The following R3HDM1 variants were observed in gnomAD, a reference collection of about 807,000 sequenced individuals.
The protein encoded by R3HDM1 is R3H domain-containing protein 1.
In R3HDM1, 46 loss-of-function variants were observed where a neutral mutation model predicts 141.1. That is an observed-to-expected ratio of 0.33 (90% CI 0.26 to 0.42). R3HDM1 has a LOEUF of 0.42. Among genes scored for constraint, R3HDM1 ranks in the 10% least tolerant of loss-of-function variants. The pLI is 1.00. For synonymous variants in R3HDM1, 435 were observed against 472.9 expected (o/e 0.92, Z 1.04); for missense variants, 1,184 against 1,368.3 (o/e 0.87, Z 2.12).
intron 1 of R3HDM1, among the ~76,000 whole-genome samples, chr2:135,549,063 A>G (rs182768893): frequency 6.6e-6 from 1 of 152,336 alleles, no homozygotes; most frequent in East Asian, 1.9e-4. Flanking sequence ...AAAAGTTTTG[A>G]ACATTTGTAT....
At chr2:135,630,285 A>G (rs946997257) in intron 7 of R3HDM1, among the ~76,000 whole-genome samples, 1 of 140,862 alleles carries the variant, frequency 7.1e-6, no homozygotes, top group Non-Finnish European at 1.5e-5. Flanking sequence ...CTCAACCAAA[A>G]AAAAAAAAAA....
At chr2:135,667,602 T>C (rs933996942) in intron 19 of R3HDM1, 3 of 952,572 alleles carry the variant, frequency 3.1e-6, no homozygotes, top group Non-Finnish European at 3.7e-6. Context: ...TACTAAAATA[T>C]ACTTTTTAGT....
At chr2:135,612,756 A>G (rs1402981224) in intron 3 of R3HDM1, among the ~76,000 whole-genome samples, 1 of 152,222 alleles carries the variant, frequency 6.6e-6, no homozygotes, top group Non-Finnish European at 1.5e-5. Flanking sequence ...AATTCTGCTA[A>G]GGGTGAAAAG....
chr2:135,707,908 G>A (rs527476443), intron 21 of R3HDM1, among the ~76,000 whole-genome samples: 2 of 151,768 alleles, frequency 1.3e-5, no homozygotes, highest in African/African-American at 2.4e-5. Context: ...TTATTGAACC[G>A]CTCTGAGTTA....
intron 1 of R3HDM1, among the ~76,000 whole-genome samples, chr2:135,571,099 T>C (rs1042207535): frequency 1.1e-4 from 17 of 152,336 alleles, no homozygotes; most frequent in Admixed American, 3.3e-4. Context: ...CATATTTTTT[T>C]AGTTAATGAG....
intron 1 of R3HDM1, among the ~76,000 whole-genome samples, chr2:135,594,109 C>T (rs946133064): frequency 6.6e-6 from 1 of 152,218 alleles, no homozygotes; most frequent in African/African-American, 2.4e-5. Context: ...GCTTGGTCAC[C>T]TGGGCACCAG....
chr2:135,604,804 A>G lies in R3HDM1; in HGVS notation c.-40-2A>G, dbSNP rs2059914369. On this transcript the variant is annotated splice_acceptor_variant, in intron 2 of 26. Transcript: ENST00000683871. LOFTEE classifies it low-confidence loss of function (5UTR_SPLICE). The stretch of plus-strand genomic sequence containing the variant: ...AAACTGTATTAATTTTTTTTTCTTA[A>G]GGCTTCAAGCTCCCTGTAGAATTCG... The G allele has an allele frequency of 5.6e-6, 9 of 1,598,004 alleles. No individual in the cohort carries two copies. The highest frequency in any genetic ancestry group is 7.7e-6 in the Non-Finnish European group (9 of 1,168,828).
At chr2:135,653,012 T>G (rs901560732) in intron 18 of R3HDM1, among the ~76,000 whole-genome samples, 1 of 151,864 alleles carries the variant, frequency 6.6e-6, no homozygotes, top group African/African-American at 2.4e-5. Context: ...TTTTGTTTTT[T>G]ATTAATTTAG....
chr2:135,604,713 C>T (rs2059906656), intron 2 of R3HDM1, 93 bp from the exon 3 acceptor site: 1 of 980,468 alleles, frequency 1.0e-6, no homozygotes, highest in Non-Finnish European at 1.5e-6. Context: ...CTATATTCAA[C>T]ATTATTTCTG....
chr2:135,633,481 A>G (rs2062923973), intron 9 of R3HDM1, among the ~76,000 whole-genome samples: 1 of 152,214 alleles, frequency 6.6e-6, no homozygotes, highest in Non-Finnish European at 1.5e-5. Flanking sequence ...GTCTTTATCA[A>G]GATAATCAAA....
intron 21 of R3HDM1, among the ~76,000 whole-genome samples, chr2:135,694,519 A>G (rs1294595493): frequency 6.6e-6 from 1 of 152,256 alleles, no homozygotes. Flanking sequence ...CCAAAAAGCC[A>G]GAAATTATGT....
chr2:135,621,870 A>C, intron 6 of R3HDM1: 1 of 977,972 alleles, frequency 1.0e-6, no homozygotes, highest in Non-Finnish European at 1.2e-6. Flanking sequence ...TCATAGTAAA[A>C]TACTAAAGTC....
rs184631253 is a variant in R3HDM1 at position 135,574,783 on chromosome 2, C to T, written c.-249-27717C>T. ...CACCCATTTTGTGATATTTCTCTCC[C>T]GCTCTCTCAAATAGGGATTGTGGGA... On this transcript the variant is annotated intron_variant, in intron 1 of 26. Transcript: ENST00000683871. Among the ~76,000 whole-genome samples, 4 of 152,164 alleles carry T rather than the reference C, an allele frequency of 2.6e-5. No homozygotes were observed. In the East Asian group the frequency reaches 7.7e-4, roughly 29 times the overall value.
chr2:135,660,836 A>G (rs2066602890), intron 18 of R3HDM1, among the ~76,000 whole-genome samples: 1 of 144,562 alleles, frequency 6.9e-6, no homozygotes, highest in Non-Finnish European at 1.5e-5. Flanking sequence ...ACAGAATGAG[A>G]CTCCACCTCA....
At chr2:135,577,414 C>CAAA (rs35038268) in intron 1 of R3HDM1, among the ~76,000 whole-genome samples, 2 of 15,806 alleles carry the variant, frequency 1.3e-4, no homozygotes, top group Non-Finnish European at 1.7e-4. Context: ...ATTAAATGAC[C>CAAA]AAAAAAAAAA....
At chr2:135,533,339 TC>T (rs1695335393) in intron 1 of R3HDM1, among the ~76,000 whole-genome samples, 1 of 152,208 alleles carries the variant, frequency 6.6e-6, no homozygotes, top group South Asian at 2.1e-4. Context: ...CCCACAGAGT[TC>T]CTGTAACATA....
In R3HDM1 at chr2:135,570,193, T is replaced by C. The variant is rs79100888; in HGVS notation, c.-249-32307T>C. 3.0e-3 allele frequency among the ~76,000 whole-genome samples: 452 copies of C among 152,380 alleles called. 3 individuals are homozygous for C. Among genetic ancestry groups the C allele is most frequent in the African/African-American group, 0.01 (421 of 41,600 alleles). ...GGAATTTTAAACAACTAAATTATTC[T>C]TATTTTCTGCCACTTAAGCTTGTGT... On this transcript the variant is annotated intron_variant, in intron 1 of 26. Coordinates refer to ENST00000683871, the MANE Select transcript of R3HDM1 (RefSeq NM_001378107.1).
chr2:135,670,794 A>G (rs1293469183), intron 19 of R3HDM1, among the ~76,000 whole-genome samples: 1 of 152,142 alleles, frequency 6.6e-6, no homozygotes, highest in Non-Finnish European at 1.5e-5. Flanking sequence ...GCCGTGGCAC[A>G]CCCCTATAAT....
rs148513845 is a variant in R3HDM1, at chr2:135,598,802, T to C, written c.-249-3698T>C. 4.6e-4 allele frequency among the ~76,000 whole-genome samples: 70 copies of C among 152,330 alleles called. 2 individuals are homozygous for C. The East Asian group carries it at 0.013, about 29-fold the overall frequency. ...TTTGATGGTAGTTGTTTGTATTCTT[T>C]TTTAGCTTACCTGTTCCTGTCATTC... is the stretch of plus-strand genomic sequence containing the variant. On this transcript the variant is annotated intron_variant, in intron 1 of 26. Transcript: ENST00000683871.
Sources: gnomAD v4.1 joint callset for allele counts (sites outside exome capture counted in the v4.1 genomes callset) on GRCh38, gnomAD v4.1.1 for gene constraint, MANE v1.5 for transcripts, NCBI Gene and HGNC (gene_info 2026-07-23, HGNC 2026-07-21) for gene names.